WFDC1: variants seen among roughly 807,000 people sequenced by gnomAD.
WFDC1 encodes WAP four-disulfide core domain 1, also known as WAP four-disulfide core domain protein 1.
A neutral mutation model predicts 32.9 loss-of-function variants in WFDC1; 39 were observed. The observed-to-expected ratio is 1.19, with a 90% CI of 0.92 to 1.55. The LOEUF (loss-of-function observed/expected upper bound fraction) is 1.55, where lower values mean the gene tolerates loss of function less well. Ranked by LOEUF, WFDC1 falls within the 40% of genes most tolerant of loss-of-function variation. WFDC1 has a pLI of 0.00. For missense variants in WFDC1, 386 were observed against 309.5 expected (o/e 1.25, Z -1.85); for synonymous variants, 184 against 137.4 (o/e 1.34, Z -2.37).
chr16:84,329,010 T>G (rs1334055534), intron 6 of WFDC1: 1 of 152,112 alleles, frequency 6.6e-6, no homozygotes, highest in African/African-American at 2.4e-5. Context: ...AAATTCTTGT[T>G]CCAGCACTGT....
chr16:84,305,656 G>C (rs1376386915), intron 1 of WFDC1, among the ~76,000 whole-genome samples: 4 of 152,130 alleles, frequency 2.6e-5, no homozygotes, highest in Non-Finnish European at 5.9e-5. Flanking sequence ...AAGACTGGAA[G>C]ATATGAAGAA....
intron 1 of WFDC1, among the ~76,000 whole-genome samples, chr16:84,306,418 AGT>A (rs995449318): frequency 6.6e-6 from 1 of 152,220 alleles, no homozygotes; most frequent in African/African-American, 2.4e-5. Context: ...TAGAAGGAAC[AGT>A]GTGCGGAAGC....
In WFDC1 at chr16:84,329,390, C is replaced by G. The variant is rs898122141; in HGVS notation, c.*84C>G. On this transcript the variant is annotated 3_prime_UTR_variant, in exon 7 of 7. Coordinates refer to ENST00000219454, the MANE Select transcript of WFDC1 (RefSeq NM_021197.4). Reference sequence around the variant, plus strand: ...AACAGTTGGGAAAAGTAGTTTGACCCTCACAGTTCACATTCAGCTCAGCAG... The same window carrying G: ...AACAGTTGGGAAAAGTAGTTTGACCGTCACAGTTCACATTCAGCTCAGCAG... The G allele has an allele frequency of 6.6e-6, 1 of 152,180 alleles. No homozygotes were observed. Among genetic ancestry groups the G allele is most frequent in the African/African-American group, 2.4e-5 (1 of 41,432 alleles). 9.4% of individuals were successfully genotyped at this position (152,180 alleles called of 1,614,324 possible).
At chr16:84,296,715 G>A (rs893509991) in intron 1 of WFDC1, among the ~76,000 whole-genome samples, 1 of 152,166 alleles carries the variant, frequency 6.6e-6, no homozygotes, top group Admixed American at 6.5e-5. Context: ...CTTGGAGAAG[G>A]GAAAGCTCAT....
intron 3 of WFDC1, chr16:84,318,605 A>G: frequency 2.4e-6 from 1 of 422,474 alleles, no homozygotes. Flanking sequence ...TCCTGGATGG[A>G]GAATTGAAGG....
At chr16:84,304,385 C>T (rs537081889) in intron 1 of WFDC1, among the ~76,000 whole-genome samples, 6 of 152,158 alleles carry the variant, frequency 3.9e-5, no homozygotes, top group African/African-American at 1.2e-4. Context: ...CCCGCCACCA[C>T]GCCTGGCTAG....
chr16:84,320,716 AG>A (rs1359941089), intron 4 of WFDC1, among the ~76,000 whole-genome samples: 1 of 152,210 alleles, frequency 6.6e-6, no homozygotes, highest in Non-Finnish European at 1.5e-5. Context: ...AGTGTCAGTC[AG>A]ACTGAGACCA....
intron 6 of WFDC1, 90 bp downstream of exon 6, chr16:84,327,045 G>C: frequency 7.6e-7 from 1 of 1,322,398 alleles, no homozygotes; most frequent in Non-Finnish European, 1.1e-6. Context: ...AGGAGCAGGA[G>C]GGTGAGAGTA....
intron 1 of WFDC1, among the ~76,000 whole-genome samples, chr16:84,302,748 G>T (rs1031295932): frequency 1.3e-5 from 2 of 152,168 alleles, no homozygotes; most frequent in Non-Finnish European, 2.9e-5. Flanking sequence ...TGTTGTGTGT[G>T]GTGTCTCTGA....
chr16:84,305,050 C>G lies in WFDC1; in HGVS notation c.145-7911C>G, dbSNP rs543398232. Among the ~76,000 whole-genome samples, 5 of 149,584 alleles carry G rather than the reference C, an allele frequency of 3.3e-5. No homozygotes were observed. The South Asian group carries it at 8.3e-4, about 25-fold the overall frequency. On this transcript the variant is annotated intron_variant, in intron 1 of 6. Coordinates refer to ENST00000219454, the MANE Select transcript of WFDC1 (RefSeq NM_021197.4). ...GCCTCTGACTCTTCTCAGCTGCTTGCTCTTGGGCAAATGCTTTTAGTTTTT... is the reference window on the plus strand; with the variant it reads ...GCCTCTGACTCTTCTCAGCTGCTTGGTCTTGGGCAAATGCTTTTAGTTTTT...
In WFDC1 at chr16:84,322,305, T is replaced by C. The variant is rs574969776; in HGVS notation, c.563-2114T>C. ...TTAGCAATAATTACTGGTAATTTACTGGTAATTATATATAGGTTTGAAAAC... is the reference window on the plus strand; with the variant it reads ...TTAGCAATAATTACTGGTAATTTACCGGTAATTATATATAGGTTTGAAAAC... On this transcript the variant is annotated intron_variant, in intron 4 of 6. Coordinates refer to ENST00000219454, the MANE Select transcript of WFDC1 (RefSeq NM_021197.4). 4.7e-4 allele frequency among the ~76,000 whole-genome samples: 72 copies of C among 152,168 alleles called. 1 individual carries two copies. The highest frequency in any genetic ancestry group is 1.0e-4 in the Non-Finnish European group (7 of 68,022).
At chr16:84,327,936 A>G (rs1381734352) in intron 6 of WFDC1, 1 of 152,416 alleles carries the variant, frequency 6.6e-6, no homozygotes, top group Non-Finnish European at 1.5e-5. Context: ...ACGGCTACAC[A>G]AGCCAACAGA....
At chr16:84,311,427 A>C (rs1597676683) in intron 1 of WFDC1, among the ~76,000 whole-genome samples, 2 of 128,846 alleles carry the variant, frequency 1.6e-5, no homozygotes, top group African/African-American at 5.8e-5. Flanking sequence ...ACGGGGTTTC[A>C]CCGTGTTAGC....
intron 1 of WFDC1, among the ~76,000 whole-genome samples, chr16:84,299,947 A>C (rs1347581016): frequency 6.6e-6 from 1 of 152,240 alleles, no homozygotes; most frequent in Non-Finnish European, 1.5e-5. Flanking sequence ...TGCTAATAGC[A>C]GTAGGGGACT....
At chr16:84,321,105 T>G (rs1277803195) in intron 4 of WFDC1, among the ~76,000 whole-genome samples, 1 of 152,226 alleles carries the variant, frequency 6.6e-6, no homozygotes, top group Non-Finnish European at 1.5e-5. Context: ...GGGTGGCTTC[T>G]CCAGCCAGAT....
chr16:84,295,107 A>T lies in WFDC1; in HGVS notation c.136A>T (p.Lys46Ter). The part of the protein sequence containing the change: ...KRALPARLAE[K>*]SRAEEAGAPG... Reference sequence around the variant, plus strand: ...GGCATTGCCTGCGAGGCTGGCCGAGAAATCCCGTGTAAGTGCCTGGGATGG... The same window carrying T: ...GGCATTGCCTGCGAGGCTGGCCGAGTAATCCCGTGTAAGTGCCTGGGATGG... Residue 46 changes from lysine (K) to a stop codon, truncating the protein, a stop_gained, in exon 1 of 7, where the codon AAA becomes TAA. Coordinates refer to ENST00000219454, the MANE Select transcript of WFDC1 (RefSeq NM_021197.4). LOFTEE classifies it high-confidence loss of function. The T allele has an allele frequency of 6.2e-7, 1 of 1,613,966 alleles. No individual in the cohort carries two copies. The highest frequency in any genetic ancestry group is 8.5e-7 in the Non-Finnish European group (1 of 1,179,906).
chr16:84,298,041 C>T (rs964789329), intron 1 of WFDC1, among the ~76,000 whole-genome samples: 3 of 152,136 alleles, frequency 2.0e-5, no homozygotes, highest in African/African-American at 4.8e-5. Flanking sequence ...GGCTTGCACC[C>T]CCTCTGGAGA....
chr16:84,317,239 G>A (rs891187286), intron 2 of WFDC1: 1 of 152,070 alleles, frequency 6.6e-6, no homozygotes, highest in East Asian at 1.9e-4. Flanking sequence ...GTTGCAATGA[G>A]CTGAGATCGT....
chr16:84,307,794 C>T (rs542723902), intron 1 of WFDC1, among the ~76,000 whole-genome samples: 4 of 152,276 alleles, frequency 2.6e-5, no homozygotes, highest in South Asian at 4.1e-4. Context: ...AAATTGCGGA[C>T]CCCAACATGG....
Sources: allele counts gnomAD v4.1 joint callset (sites outside exome capture counted in the v4.1 genomes callset), GRCh38; gene constraint gnomAD v4.1.1; transcripts MANE v1.5; gene names NCBI Gene and HGNC (gene_info 2026-07-23, HGNC 2026-07-21).